LATS1: variants seen among roughly 807,000 people sequenced by gnomAD.
The protein encoded by LATS1 is large tumor suppressor kinase 1.
In LATS1, 25 loss-of-function variants were observed where a neutral mutation model predicts 106.6. The ratio of observed to expected loss-of-function variants is 0.23; its 90% CI spans 0.17 to 0.33. The LOEUF is 0.33. LATS1 is among the 10% of genes least tolerant of loss of function. The pLI is 1.00. For synonymous variants in LATS1, 465 were observed against 455.6 expected, an observed-to-expected ratio of 1.02 and a Z score of -0.26; for missense variants, 1,040 against 1,382.6, an observed-to-expected ratio of 0.75 and a Z score of 3.93.
Position 149,670,138 on chromosome 6 carries a change from C to T in LATS1, c.2883+6122G>A, listed in dbSNP as rs552220013. Among the ~76,000 whole-genome samples the T allele has an allele frequency of 5.3e-5, 7 of 133,138 alleles. No individual in the cohort carries two copies. In the South Asian group the frequency reaches 9.2e-4, roughly 18 times the overall value. The allele number at this position is 133,138 out of a possible 152,430, so 87.3% of individuals were successfully genotyped here. A position where few individuals can be genotyped will look rare whatever the true frequency, so the allele number is the denominator to read the frequency against. On this transcript the variant is annotated intron_variant, in intron 7 of 7. Coordinates refer to ENST00000543571, the MANE Select transcript of LATS1 (RefSeq NM_004690.4). The stretch of plus-strand genomic sequence containing the variant: ...AGTGAGATGAGGTTGTACCACTACA[C>T]GCCAGCCTGGGCAACAGAGTGAAAT...
Position 149,683,795 on chromosome 6 carries a change from T to C in LATS1, c.1294A>G (p.Asn432Asp). The C allele has an allele frequency of 1.2e-6, 2 of 1,613,856 alleles. No homozygotes were observed. Among genetic ancestry groups the C allele is most frequent in the Non-Finnish European group, 8.5e-7 (1 of 1,180,026 alleles). ...GGAGCAGAAGATGACTGAGGCCAATTTGTTTGCAGTCCAGGTACACTAATG... is the reference window on the plus strand; with the variant it reads ...GGAGCAGAAGATGACTGAGGCCAATCTGTTTGCAGTCCAGGTACACTAATG... ...YNISVPGLQT[N>D]WPQSSSAPAQ... The change falls in exon 4 of 8, where the codon AAT (asparagine) becomes GAT (aspartate). Residue 432 changes from asparagine (N) to aspartate (D), a missense_variant. Physicochemically the swap from Asn to Asp is conservative, Grantham distance 23. Coordinates refer to ENST00000543571, the MANE Select transcript of LATS1 (RefSeq NM_004690.4).
In LATS1 at chr6:149,684,183, TGGA is replaced by T; in HGVS notation, c.903_905del (p.Pro304del). 1.9e-6 allele frequency: 3 copies of T among 1,614,178 alleles called. No individual in the cohort carries two copies. Among genetic ancestry groups the T allele is most frequent in the Non-Finnish European group, 2.5e-6 (3 of 1,180,028 alleles). ...TCATGGGGGAAGTGTTGAGAGGTGG[TGGA>T]GGATAGCCCTCTTGCCATGCCCCAG... On this transcript the variant is annotated inframe_deletion, in exon 4 of 8. Transcript: ENST00000543571.
chr6:149,679,530 C>T (rs984589048), intron 5 of LATS1, among the ~76,000 whole-genome samples: 4 of 139,358 alleles, frequency 2.9e-5, no homozygotes, highest in Admixed American at 1.5e-4. Context: ...CCAGCCTGGG[C>T]GACAGAGCGA....
rs189761015 is a variant in LATS1 at position 149,684,928 on chromosome 6, T to C, written c.497-336A>G. Among the ~76,000 whole-genome samples the C allele has an allele frequency of 3.5e-4, 53 of 152,326 alleles. 1 individual carries two copies. The highest frequency in any genetic ancestry group is 1.0e-4 in the Non-Finnish European group (7 of 68,036). On this transcript the variant is annotated intron_variant, in intron 3 of 7. Transcript: ENST00000543571. ...AAAATTTCACTAAGTGGTTTCCTTT[T>C]ACCTTTTAGAATTTTATTTATTTTT...
At chr6:149,673,704 C>T (rs568470053) in intron 7 of LATS1, among the ~76,000 whole-genome samples, 2 of 149,414 alleles carry the variant, frequency 1.3e-5, no homozygotes, top group East Asian at 3.9e-4. Context: ...GATAGAGTCT[C>T]ACTCTGTCGC....
intron 4 of LATS1, 135 bp downstream of exon 4, chr6:149,682,944 C>A: frequency 1.4e-6 from 1 of 691,622 alleles, no homozygotes; most frequent in Non-Finnish European, 2.2e-6. Flanking sequence ...TATTTATTCA[C>A]TTTTAAATTC....
chr6:149,679,592 A>C (rs1781924058), intron 5 of LATS1, among the ~76,000 whole-genome samples: 1 of 152,072 alleles, frequency 6.6e-6, no homozygotes. Flanking sequence ...GCATATTTTC[A>C]AATAAAATGT....
chr6:149,672,357 C>T (rs1781487583), intron 7 of LATS1, among the ~76,000 whole-genome samples: 3 of 151,258 alleles, frequency 2.0e-5, no homozygotes, highest in Admixed American at 2.0e-4. Context: ...TTTATAGGTG[C>T]CTGCCATCAT....
intron 2 of LATS1, among the ~76,000 whole-genome samples, chr6:149,698,003 G>A (rs1783197397): frequency 6.6e-6 from 1 of 152,188 alleles, no homozygotes; most frequent in African/African-American, 2.4e-5. Context: ...GCCTCCTGAA[G>A]TGCTGGCATT....
chr6:149,717,817 G>A, intron 1 of LATS1, 32 bp downstream of exon 1: 1 of 289,136 alleles, frequency 3.5e-6, no homozygotes, highest in Non-Finnish European at 6.7e-6. Flanking sequence ...AGCACTGGAG[G>A]AGCGCACCCG....
chr6:149,700,007 A>G (rs1365373435), intron 2 of LATS1, among the ~76,000 whole-genome samples: 1 of 152,174 alleles, frequency 6.6e-6, no homozygotes, highest in Non-Finnish European at 1.5e-5. Context: ...ATCTCCACTC[A>G]AGCCATTTCT....
In LATS1 at chr6:149,684,370, G is replaced by C; in HGVS notation, c.719C>G (p.Pro240Arg). 1.2e-6 allele frequency: 2 copies of C among 1,614,054 alleles called. No homozygotes were observed. Among genetic ancestry groups the C allele is most frequent in the Non-Finnish European group, 1.7e-6 (2 of 1,179,964 alleles). Residue 240 changes from proline (P) to arginine (R), a missense_variant, in exon 4 of 8, where the codon CCT becomes CGT. By Grantham distance (103) the Pro-to-Arg change is moderately radical (BLOSUM62 -2). Coordinates refer to ENST00000543571, the MANE Select transcript of LATS1 (RefSeq NM_004690.4). ...TGGAGGAGTAACACTCCTTACTTGAGGTGGTGGTGGGGGGTTCACTCTCTG... is the reference window on the plus strand; with the variant it reads ...TGGAGGAGTAACACTCCTTACTTGACGTGGTGGTGGGGGGTTCACTCTCTG... ...NGQRVNPPPP[P>R]QVRSVTPPPP...
Position 149,693,254 on chromosome 6 carries a change from G to A in LATS1, c.496+1820C>T, listed in dbSNP as rs138259144. On this transcript the variant is annotated intron_variant, in intron 3 of 7. Transcript: ENST00000543571. ...ATTGTGCCACTGCACTCCAGCCTGG[G>A]TGACAAGACTCTGTCTCAAAGAGAA... is the stretch of plus-strand genomic sequence containing the variant. 1.6e-3 allele frequency among the ~76,000 whole-genome samples: 238 copies of A among 150,924 alleles called. 1 individual carries two copies. Among genetic ancestry groups the A allele is most frequent in the African/African-American group, 5.5e-3 (226 of 41,128 alleles).
chr6:149,694,435 A>G (rs1782947942), intron 3 of LATS1, among the ~76,000 whole-genome samples: 1 of 152,224 alleles, frequency 6.6e-6, no homozygotes, highest in Admixed American at 6.5e-5. Flanking sequence ...TCAGTCTCCC[A>G]TAGTATTGAG....
intron 3 of LATS1, among the ~76,000 whole-genome samples, chr6:149,684,833 A>G (rs185458264): frequency 8.5e-5 from 13 of 152,310 alleles, no homozygotes; most frequent in East Asian, 5.8e-4. Context: ...CAAAAAAATG[A>G]TATGTGAGGT....
In LATS1 at chr6:149,717,965, G is replaced by A. The variant is rs1456210452; in HGVS notation, c.-257C>T. On this transcript the variant is annotated 5_prime_UTR_variant, in exon 1 of 8. Transcript: ENST00000543571. ...CCCTGGTGGGGCAGAGCGGGGAGAC[G>A]AACGGGGGGGCTGCCGCGGGCCAGC... The A allele has an allele frequency of 8.2e-6, 3 of 363,952 alleles. No individual in the cohort carries two copies. The highest frequency in any genetic ancestry group is 4.5e-5 in the Admixed American group (1 of 22,220). 22.5% of individuals were successfully genotyped at this position (363,952 alleles called of 1,614,324 possible).
intron 1 of LATS1, among the ~76,000 whole-genome samples, chr6:149,714,466 G>A (rs1444713812): frequency 1.3e-5 from 2 of 152,204 alleles, no homozygotes; most frequent in Admixed American, 1.3e-4. Context: ...AATAGACAAT[G>A]CAATTAAAGG....
At chr6:149,713,480 G>C (rs1210148835) in intron 1 of LATS1, among the ~76,000 whole-genome samples, 1 of 151,122 alleles carries the variant, frequency 6.6e-6, no homozygotes, top group Non-Finnish European at 1.5e-5. Context: ...ATTTTTAGTA[G>C]AGACGGGGTT....
At chr6:149,665,081 G>C (rs538675269) in intron 7 of LATS1, among the ~76,000 whole-genome samples, 5 of 152,192 alleles carry the variant, frequency 3.3e-5, no homozygotes, top group Non-Finnish European at 7.3e-5. Context: ...GCATGGGGCT[G>C]GGTGCAGTGG....
Sources: allele counts gnomAD v4.1 joint callset (sites outside exome capture counted in the v4.1 genomes callset), GRCh38; gene constraint gnomAD v4.1.1; transcripts MANE v1.5; gene names NCBI Gene and HGNC (gene_info 2026-07-23, HGNC 2026-07-21).